DLG2: variants seen among roughly 807,000 people sequenced by gnomAD.
The protein encoded by DLG2 is discs large MAGUK scaffold protein 2.
In DLG2, 45 loss-of-function variants were observed where a neutral mutation model predicts 132.5. The ratio of observed to expected loss-of-function variants is 0.34; its 90% CI spans 0.27 to 0.44. DLG2 has a LOEUF of 0.44. Ranked by LOEUF, DLG2 falls within the 20% of genes least tolerant of loss-of-function variation. The pLI is 1.00. For synonymous variants in DLG2, 424 were observed against 419.6 expected (o/e 1.01, Z -0.13); for missense variants, 1,045 against 1,196.9 (o/e 0.87, Z 1.87).
chr11:85,532,382 G>A (rs1253306346), intron 3 of DLG2, among the ~76,000 whole-genome samples: 2 of 152,200 alleles, frequency 1.3e-5, no homozygotes, highest in African/African-American at 2.4e-5. Context: ...TTCCATATGA[G>A]GAGCAGGAAG....
intron 6 of DLG2, among the ~76,000 whole-genome samples, chr11:85,043,842 C>G (rs986450134): frequency 6.6e-6 from 1 of 151,892 alleles, no homozygotes; most frequent in African/African-American, 2.4e-5. Context: ...TCAATCTTTT[C>G]TCTCCCTAAT....
intron 7 of DLG2, among the ~76,000 whole-genome samples, chr11:84,304,235 G>T (rs112361447): frequency 3.1e-4 from 47 of 152,278 alleles, no homozygotes; most frequent in African/African-American, 1.1e-3. Flanking sequence ...CCACAAGATT[G>T]AACAGCTATG....
chr11:83,933,835 G>A (rs73508265), intron 14 of DLG2, among the ~76,000 whole-genome samples: 3,128 of 152,116 alleles, frequency 0.021, 100 homozygotes, highest in African/African-American at 0.071. Flanking sequence ...AAAAGAAAGA[G>A]AGAAAAAAAA....
intron 7 of DLG2, among the ~76,000 whole-genome samples, chr11:84,399,376 T>C (rs2098821805): frequency 6.6e-6 from 1 of 152,130 alleles, no homozygotes; most frequent in Non-Finnish European, 1.5e-5. Flanking sequence ...CTCCACTAAA[T>C]GGTGGACTCC....
In DLG2 at chr11:84,906,381, A is replaced by AACACAC. The variant is rs35833007; in HGVS notation, c.357+205274_357+205279dup. Among the ~76,000 whole-genome samples, 1,422 of 144,266 alleles carry AACACAC rather than the reference A, an allele frequency of 9.9e-3. 3 individuals carry two copies. Among genetic ancestry groups the AACACAC allele is most frequent in the Non-Finnish European group, 0.013 (825 of 65,936 alleles). The allele number at this position is 144,266 out of a possible 152,430, so 94.6% of individuals were successfully genotyped here. On this transcript the variant is annotated intron_variant, in intron 6 of 27. Coordinates refer to ENST00000376104, the MANE Select transcript of DLG2 (RefSeq NM_001142699.3). ...GTTGTCCATTACCCACAGCAAGGCTAACACACACACACACACACACACACA... is the reference window on the plus strand; with the variant it reads ...GTTGTCCATTACCCACAGCAAGGCTAACACACACACACACACACACACACACACACA...
chr11:84,045,004 C>T (rs1400999141), intron 11 of DLG2, among the ~76,000 whole-genome samples: 1 of 151,668 alleles, frequency 6.6e-6, no homozygotes, highest in Non-Finnish European at 1.5e-5. Context: ...GCAAAATTTT[C>T]TAATGGTTTT....
intron 4 of DLG2, among the ~76,000 whole-genome samples, chr11:85,271,073 G>T (rs148105541): frequency 1.5e-4 from 23 of 152,212 alleles, no homozygotes; most frequent in African/African-American, 4.8e-4. Context: ...AGAGACCTTG[G>T]CTCAGAAGCC....
At chr11:84,987,251 A>G (rs2056601396) in intron 6 of DLG2, among the ~76,000 whole-genome samples, 1 of 152,178 alleles carries the variant, frequency 6.6e-6, no homozygotes, top group East Asian at 1.9e-4. Flanking sequence ...CACTGCTGAA[A>G]GAAATCACAG....
chr11:85,152,473 A>AAGTGATCCACCCACCTTGGCCTCC (rs1302190713), intron 5 of DLG2, among the ~76,000 whole-genome samples: 4 of 152,070 alleles, frequency 2.6e-5, no homozygotes, highest in Non-Finnish European at 5.9e-5. Context: ...TCGTGGCCTC[A>AAGTGATCCACCCACCTTGGCCTCC]AGTGATCCAC....
intron 14 of DLG2, among the ~76,000 whole-genome samples, chr11:83,958,166 C>T (rs2449592): frequency 0.99 from 150,880 of 152,314 alleles, 74,734 homozygotes; most frequent in East Asian, 1. Flanking sequence ...AATAACTGAA[C>T]GAAGGAGAAA....
At chr11:83,655,505 T>C (rs1359151858) in intron 18 of DLG2, among the ~76,000 whole-genome samples, 1 of 152,208 alleles carries the variant, frequency 6.6e-6, no homozygotes, top group Non-Finnish European at 1.5e-5. Flanking sequence ...TGGGAGCAGA[T>C]GGATTAATCC....
intron 3 of DLG2, among the ~76,000 whole-genome samples, chr11:85,441,786 T>C (rs2091791508): frequency 6.6e-6 from 1 of 152,140 alleles, no homozygotes; most frequent in Admixed American, 6.6e-5. Context: ...TAAAAATGAA[T>C]GACAGACAAG....
At chr11:85,200,511 G>C (rs1214741125) in intron 4 of DLG2, among the ~76,000 whole-genome samples, 1 of 152,190 alleles carries the variant, frequency 6.6e-6, no homozygotes. Flanking sequence ...CGGTTCCCAA[G>C]GCGGCCCAGT....
At chr11:84,564,190 G>A (rs149590927) in intron 6 of DLG2, among the ~76,000 whole-genome samples, 8 of 152,280 alleles carry the variant, frequency 5.3e-5, no homozygotes, top group Admixed American at 1.3e-4. Flanking sequence ...GCAAAGGCTC[G>A]TCTATGCAGT....
chr11:84,182,624 A>C (rs1373037304), intron 8 of DLG2, among the ~76,000 whole-genome samples: 2 of 152,176 alleles, frequency 1.3e-5, no homozygotes, highest in Non-Finnish European at 2.9e-5. Flanking sequence ...GGAAATTCAT[A>C]GCATCGAATG....
At chr11:83,597,114 T>C (rs1034267907) in intron 19 of DLG2, among the ~76,000 whole-genome samples, 8 of 152,178 alleles carry the variant, frequency 5.3e-5, no homozygotes, top group Non-Finnish European at 1.2e-4. Context: ...GCTCAACAGT[T>C]GTATCTATAA....
intron 6 of DLG2, among the ~76,000 whole-genome samples, chr11:84,734,175 A>G (rs1596835329): frequency 1.3e-5 from 2 of 152,310 alleles, no homozygotes; most frequent in Middle Eastern, 3.4e-3. Flanking sequence ...TTCTGTGAAG[A>G]AAGTCATTGG....
chr11:85,527,176 A>ATTTTT (rs57616528), intron 3 of DLG2, among the ~76,000 whole-genome samples: 10 of 142,956 alleles, frequency 7.0e-5, no homozygotes, highest in Non-Finnish European at 1.2e-4. Context: ...GGATGTTTTT[A>ATTTTT]TTTTTTTTTT....
At chr11:85,483,352 C>A (rs1177058048) in intron 3 of DLG2, among the ~76,000 whole-genome samples, 1 of 151,996 alleles carries the variant, frequency 6.6e-6, no homozygotes, top group Non-Finnish European at 1.5e-5. Flanking sequence ...AAAAATGTGC[C>A]AACTAAGAAT....
Sources: allele counts gnomAD v4.1 joint callset (sites outside exome capture counted in the v4.1 genomes callset), GRCh38; gene constraint gnomAD v4.1.1; transcripts MANE v1.5; gene names NCBI Gene and HGNC (gene_info 2026-07-23, HGNC 2026-07-21).